Variants in FLCN observed in about 807,000 individuals in gnomAD.
FLCN encodes the protein folliculin.
FLCN carries 22 observed loss-of-function variants against 62.5 expected under a neutral mutation model. That is an observed-to-expected ratio of 0.35 (90% CI 0.25 to 0.50). The LOEUF (loss-of-function observed/expected upper bound fraction) is 0.50, where lower values mean the gene tolerates loss of function less well. Among genes scored for constraint, FLCN ranks in the 20% least tolerant of loss-of-function variants. The pLI is 0.97. For synonymous variants in FLCN, 319 were observed against 310.0 expected, an observed-to-expected ratio of 1.03 and a Z score of -0.30; for missense variants, 657 against 778.0, an observed-to-expected ratio of 0.84 and a Z score of 1.85.
chr17:17,225,897 A>G, intron 5 of FLCN: 1 of 564,502 alleles, frequency 1.8e-6, no homozygotes. Context: ...AGGAAAAAAG[A>G]AAACAATAAT....
At chr17:17,221,118 G>C (rs1471935452) in intron 8 of FLCN, 1 of 1,363,006 alleles carries the variant, frequency 7.3e-7, no homozygotes, top group African/African-American at 1.5e-5. Flanking sequence ...GGGAAGCCCA[G>C]GCACCTGGGA....
At chr17:17,221,197 G>A (rs188766574) in intron 8 of FLCN, 7 of 1,504,678 alleles carry the variant, frequency 4.7e-6, no homozygotes, top group Non-Finnish European at 6.2e-6. Context: ...ATTTGTAAAG[G>A]AGCAAAGACC....
At chr17:17,214,904 G>T in intron 13 of FLCN, 81 bp downstream of exon 13, 1 of 1,453,892 alleles carries the variant, frequency 6.9e-7, no homozygotes, top group Non-Finnish European at 9.6e-7. Context: ...CAGTGGCCAC[G>T]GCCCAGCTCC....
At chr17:17,227,335 G>T (rs1025947161) in intron 4 of FLCN, among the ~76,000 whole-genome samples, 4 of 152,054 alleles carry the variant, frequency 2.6e-5, no homozygotes, top group African/African-American at 9.6e-5. Flanking sequence ...TGGGAGCACG[G>T]GACTTTGGGG....
Position 17,233,231 on chromosome 17 carries a change from T to C in FLCN, c.-227-330A>G, listed in dbSNP as rs149010244. 3.2e-4 allele frequency among the ~76,000 whole-genome samples: 49 copies of C among 152,236 alleles called. 3 individuals carry two copies. The East Asian group carries it at 7.9e-3, about 25-fold the overall frequency. ...ACTTCGGGAGGCCAAGGCAGGAGGATTGCTTCAGCCCATGAGTTTGAGACC... is the reference window on the plus strand; with the variant it reads ...ACTTCGGGAGGCCAAGGCAGGAGGACTGCTTCAGCCCATGAGTTTGAGACC... On this transcript the variant is annotated intron_variant, in intron 1 of 13. Transcript: ENST00000285071.
At chr17:17,231,445 G>A (rs2047419889) in intron 3 of FLCN, 1 of 152,094 alleles carries the variant, frequency 6.6e-6, no homozygotes. Context: ...GGCAGCGGGA[G>A]AGGAAACAGA....
chr17:17,215,591 C>G (rs186547883), intron 11 of FLCN, among the ~76,000 whole-genome samples: 1 of 152,310 alleles, frequency 6.6e-6, no homozygotes, highest in Non-Finnish European at 1.5e-5. Context: ...GGCTAAGCAG[C>G]CCTATGAGGG....
chr17:17,218,039 C>G (rs1177697421), intron 9 of FLCN, among the ~76,000 whole-genome samples: 1 of 152,204 alleles, frequency 6.6e-6, no homozygotes, highest in African/African-American at 2.4e-5. Flanking sequence ...CCAAGGACAT[C>G]TGCCATGAAA....
At chr17:17,234,565 T>C (rs1203175723) in intron 1 of FLCN, among the ~76,000 whole-genome samples, 1 of 150,302 alleles carries the variant, frequency 6.7e-6, no homozygotes, top group Non-Finnish European at 1.5e-5. Flanking sequence ...AAGCACTCGC[T>C]GGGTGCAGTG....
Position 17,216,725 on chromosome 17 carries a change from C to T in FLCN, c.1177-222G>A, listed in dbSNP as rs1465119034. On this transcript the variant is annotated intron_variant, in intron 10 of 13. Transcript: ENST00000285071. This position sits in a 1 kb window ranked among gnomAD's most constrained non-coding sequence, Gnocchi z 4.0. ...GTCTGGACCGCCAGTCACACACCAG[C>T]TTGTACCGCCCCTCGCTCTGTGGTG... 2.0e-5 allele frequency among the ~76,000 whole-genome samples: 3 copies of T among 152,218 alleles called. No individual in the cohort carries two copies. Among genetic ancestry groups the T allele is most frequent in the African/African-American group, 4.8e-5 (2 of 41,456 alleles).
At chr17:17,235,056 G>A (rs1000406659) in intron 1 of FLCN, among the ~76,000 whole-genome samples, 8 of 148,746 alleles carry the variant, frequency 5.4e-5, no homozygotes, top group Non-Finnish European at 1.0e-4. Flanking sequence ...AGCTTGCAGT[G>A]AGCTGATCGC....
intron 5 of FLCN, chr17:17,225,173 C>G (rs1036312837): frequency 6.6e-6 from 1 of 152,330 alleles, no homozygotes; most frequent in East Asian, 1.9e-4. Flanking sequence ...AGGCTGAGAG[C>G]AGCACGGGAT....
At chr17:17,223,540 A>G (rs1295064973) in intron 6 of FLCN, among the ~76,000 whole-genome samples, 1 of 152,254 alleles carries the variant, frequency 6.6e-6, no homozygotes, top group Non-Finnish European at 1.5e-5. Context: ...TTACCAGAGC[A>G]CGACCTGGCC....
At position 17,221,574 on chromosome 17, in the gene FLCN, C is replaced by T. The variant is rs146801028; in HGVS notation, c.834G>A (p.Pro278=). 1.8e-5 allele frequency: 29 copies of T among 1,611,852 alleles called. No homozygotes were observed. The highest frequency in any genetic ancestry group is 1.8e-4 in the East Asian group (8 of 44,900). Residue 278 remains proline (P), a synonymous_variant, in exon 8 of 14, where the codon CCG becomes CCA. Coordinates refer to ENST00000285071, the MANE Select transcript of FLCN (RefSeq NM_144997.7). The part of the protein sequence containing the change: ...RLTEKLLEGA[P]TEDTLVQMEK... ...CCATCTGGACCAAGGTATCCTCGGT[C>T]GGAGCACCTTCCAGGAGCTTCTCGG...
chr17:17,220,962 CAA>C, intron 8 of FLCN: 1 of 376,194 alleles, frequency 2.7e-6, no homozygotes, highest in Non-Finnish European at 5.0e-6. Flanking sequence ...TGGTGTGGAA[CAA>C]TGGTCGTACC....
At chr17:17,233,122 G>A (rs1393568966) in intron 1 of FLCN, among the ~76,000 whole-genome samples, 1 of 152,106 alleles carries the variant, frequency 6.6e-6, no homozygotes, top group South Asian at 2.1e-4. Context: ...CTCTAAACCA[G>A]TATTTGATCA....
At chr17:17,220,949 A>G in intron 8 of FLCN, 1 of 342,552 alleles carries the variant, frequency 2.9e-6, no homozygotes, top group South Asian at 3.0e-5. Flanking sequence ...TATTAATGAC[A>G]TGTGGTGTGG....
chr17:17,221,063 C>T lies in FLCN; in HGVS notation c.871+474G>A, dbSNP rs1010069227. 3.6e-5 allele frequency: 35 copies of T among 961,092 alleles called. No individual in the cohort carries two copies. In the Admixed American group the frequency reaches 1.1e-3, roughly 30 times the overall value. 59.5% of individuals were successfully genotyped at this position (961,092 alleles called of 1,614,324 possible). ...GCTTCCAGGCTGGTGCACACAGTGC[C>T]ACGATCCCCAAACACAGGGCCCCAA... On this transcript the variant is annotated intron_variant, in intron 8 of 13. Transcript: ENST00000285071.
At chr17:17,224,361 G>GT in intron 5 of FLCN, 1 of 588,622 alleles carries the variant, frequency 1.7e-6, no homozygotes, top group South Asian at 1.9e-5. Flanking sequence ...GCAAGGGCCG[G>GT]TAACAAGGCT....
Sources: allele counts gnomAD v4.1 joint callset (sites outside exome capture counted in the v4.1 genomes callset), GRCh38; gene constraint gnomAD v4.1.1; non-coding constraint Gnocchi (gnomAD v3.1); transcripts MANE v1.5; gene names NCBI Gene and HGNC (gene_info 2026-07-23, HGNC 2026-07-21).